The following PALLD variants were observed in gnomAD, a reference collection of about 807,000 sequenced individuals.
PALLD encodes palladin, cytoskeletal associated protein.
In PALLD, 61 loss-of-function variants were observed where a neutral mutation model predicts 123.5. The ratio of observed to expected loss-of-function variants is 0.49; its 90% confidence interval spans 0.40 to 0.61. PALLD has a LOEUF of 0.61. Among genes scored for constraint, PALLD ranks in the 20% least tolerant of loss-of-function variants. The pLI is 0.00. For missense variants in PALLD, 1,273 were observed against 1,377.0 expected, an observed-to-expected ratio of 0.92 and a Z score of 1.20; for synonymous variants, 465 against 496.4, an observed-to-expected ratio of 0.94 and a Z score of 0.84.
At chr4:168,833,188 G>T (rs990571975) in intron 10 of PALLD, among the ~76,000 whole-genome samples, 1 of 152,148 alleles carries the variant, frequency 6.6e-6, no homozygotes, top group Non-Finnish European at 1.5e-5. Flanking sequence ...GCTTGAGCCC[G>T]GATTGAGGCT....
intron 18 of PALLD, among the ~76,000 whole-genome samples, chr4:168,922,716 GTT>G (rs1761824272): frequency 6.6e-6 from 1 of 152,206 alleles, no homozygotes; most frequent in South Asian, 2.1e-4. Context: ...ATGCTTTCAA[GTT>G]TTGTACAAAG....
intron 17 of PALLD, among the ~76,000 whole-genome samples, chr4:168,916,952 A>C (rs914927650): frequency 2.6e-5 from 4 of 151,452 alleles, no homozygotes; most frequent in African/African-American, 9.7e-5. Flanking sequence ...TACAGGTGTG[A>C]GCCACAGTGC....
At chr4:168,910,208 C>A (rs1374860023) in intron 15 of PALLD, among the ~76,000 whole-genome samples, 1 of 147,122 alleles carries the variant, frequency 6.8e-6, no homozygotes, top group Non-Finnish European at 1.5e-5. Context: ...GAGTAGTATG[C>A]CAACCTGTTT....
chr4:168,602,921 T>C (rs1772816652), intron 2 of PALLD, among the ~76,000 whole-genome samples: 1 of 128,510 alleles, frequency 7.8e-6, no homozygotes, highest in Non-Finnish European at 1.6e-5. Flanking sequence ...GGCACCACCA[T>C]GCCCAGCTAA....
chr4:168,584,899 A>C (rs1770655048), intron 2 of PALLD, among the ~76,000 whole-genome samples: 1 of 152,202 alleles, frequency 6.6e-6, no homozygotes, highest in Non-Finnish European at 1.5e-5. Context: ...TCCCTCAACA[A>C]AGTACCCATG....
chr4:168,627,703 G>A (rs1324751129), intron 2 of PALLD, among the ~76,000 whole-genome samples: 2 of 152,136 alleles, frequency 1.3e-5, no homozygotes, highest in African/African-American at 2.4e-5. Context: ...ACGGCAAAAT[G>A]AGAAAACAAT....
chr4:168,742,578 G>A (rs755347108), intron 10 of PALLD, among the ~76,000 whole-genome samples: 26 of 152,124 alleles, frequency 1.7e-4, no homozygotes, highest in Non-Finnish European at 2.8e-4. Flanking sequence ...TGAACATACC[G>A]GACTCAGGAG....
intron 2 of PALLD, 66 bp downstream of exon 2, chr4:168,512,478 G>T (rs1226501480): frequency 1.4e-6 from 2 of 1,397,908 alleles, no homozygotes; most frequent in Non-Finnish European, 2.0e-6. Context: ...TAATATGGGA[G>T]GAAGAAAGAT....
At chr4:168,613,838 T>C (rs1382932863) in intron 2 of PALLD, among the ~76,000 whole-genome samples, 4 of 151,872 alleles carry the variant, frequency 2.6e-5, no homozygotes, top group Non-Finnish European at 5.9e-5. Flanking sequence ...ATCCAAAGAG[T>C]ATTTAAAAAC....
At chr4:168,498,893 G>A (rs1019631089) in intron 1 of PALLD, among the ~76,000 whole-genome samples, 2 of 151,894 alleles carry the variant, frequency 1.3e-5, no homozygotes, top group Non-Finnish European at 2.9e-5. Flanking sequence ...ACAGGACATG[G>A]GATAACTTCA....
intron 1 of PALLD, chr4:168,505,003 G>A (rs1761859411): frequency 6.6e-6 from 1 of 152,164 alleles, no homozygotes; most frequent in African/African-American, 2.4e-5. Context: ...GGCAAATGAT[G>A]GAGATGTTTG....
chr4:168,866,210 A>T (rs1163470948), intron 10 of PALLD, among the ~76,000 whole-genome samples: 1 of 152,184 alleles, frequency 6.6e-6, no homozygotes, highest in East Asian at 1.9e-4. Context: ...GGCTGCAGTG[A>T]GCCAAGATGA....
At chr4:168,907,539 GC>G (rs1758058750) in intron 15 of PALLD, among the ~76,000 whole-genome samples, 4 of 152,184 alleles carry the variant, frequency 2.6e-5, no homozygotes, top group Admixed American at 2.0e-4. Flanking sequence ...CACACCCATA[GC>G]ACAGCTGACA....
At chr4:168,661,457 G>C (rs543454763) in intron 2 of PALLD, among the ~76,000 whole-genome samples, 2 of 152,312 alleles carry the variant, frequency 1.3e-5, no homozygotes, top group African/African-American at 2.4e-5. Context: ...AGTATGACTA[G>C]ATCTTCTAAT....
intron 2 of PALLD, among the ~76,000 whole-genome samples, chr4:168,563,047 T>C (rs887658746): frequency 1.3e-5 from 2 of 152,048 alleles, no homozygotes; most frequent in African/African-American, 4.8e-5. Flanking sequence ...GGAAGATTGT[T>C]TGTGGGGAGT....
intron 1 of PALLD, among the ~76,000 whole-genome samples, chr4:168,508,510 T>C (rs1762232158): frequency 6.6e-6 from 1 of 152,190 alleles, no homozygotes; most frequent in Admixed American, 6.5e-5. Context: ...AATTTCGTCA[T>C]GTCAAGAATC....
chr4:168,552,322 T>A (rs966008874), intron 2 of PALLD, among the ~76,000 whole-genome samples: 5 of 152,134 alleles, frequency 3.3e-5, no homozygotes, highest in African/African-American at 1.2e-4. Context: ...TTTGGTTTTT[T>A]GAGTTGGTGA....
intron 2 of PALLD, among the ~76,000 whole-genome samples, chr4:168,599,568 A>T (rs1015953151): frequency 6.6e-6 from 1 of 152,210 alleles, no homozygotes; most frequent in Non-Finnish European, 1.5e-5. Context: ...TGCAAGTAAT[A>T]ATGGATATCA....
At chr4:168,631,627 TGGAG>T in intron 2 of PALLD, 4 of 985,530 alleles carry the variant, frequency 4.1e-6, no homozygotes, top group Non-Finnish European at 4.8e-6. Flanking sequence ...ATTCGCGCGC[TGGAG>T]ACCGGCGGCC....
Sources: gnomAD v4.1 joint callset for allele counts (sites outside exome capture counted in the v4.1 genomes callset) on GRCh38, gnomAD v4.1.1 for gene constraint, MANE v1.5 for transcripts, NCBI Gene and HGNC (gene_info 2026-07-23, HGNC 2026-07-21) for gene names.